SULT1C2: variants seen among roughly 807,000 people sequenced by gnomAD.
The protein encoded by SULT1C2 is sulfotransferase 1C2.
In SULT1C2, 27 loss-of-function variants were observed where a neutral mutation model predicts 36.0. The observed-to-expected ratio is 0.75, with a 90% CI of 0.55 to 1.03. SULT1C2 has a LOEUF of 1.03. Among genes scored for constraint, SULT1C2 ranks in the 50% least tolerant of loss-of-function variants. The pLI is 0.00. For missense variants in SULT1C2, 395 were observed against 359.2 expected (o/e 1.10, Z -0.80); for synonymous variants, 121 against 116.0 (o/e 1.04, Z -0.27).
rs892598601 is a variant in SULT1C2, at chr2:108,300,701, T to C, written c.278-137T>C. On this transcript the variant is annotated intron_variant, in intron 3 of 7. Transcript: ENST00000251481. ...ATGAAAATTATATTAATAATCCCAT[T>C]GTAAAATCCCAAAAGAAAGTCAAGA... 12 of 1,380,538 alleles carry C rather than the reference T, an allele frequency of 8.7e-6. No homozygotes were observed. In the Admixed American group the frequency reaches 1.5e-4, roughly 17 times the overall value. The allele number at this position is 1,380,538 out of a possible 1,614,324, so 85.5% of individuals were successfully genotyped here.
chr2:108,305,023 C>T (rs574554815), intron 5 of SULT1C2, 149 bp from the exon 6 acceptor site: 43 of 919,898 alleles, frequency 4.7e-5, no homozygotes, highest in Non-Finnish European at 6.7e-5. Context: ...CTACACCACC[C>T]TCAAAATCAA....
chr2:108,294,364 C>A lies in SULT1C2; in HGVS notation c.277+10C>A, dbSNP rs763243759. ...CCACCCCAACCTTCTGGTGAGAGCA[C>A]CTCCCTCTTTCTCTCTTCCTGCTTT... On this transcript the variant is annotated intron_variant, in intron 3 of 7. Transcript: ENST00000251481. 3 of 1,578,084 alleles carry A rather than the reference C, an allele frequency of 1.9e-6. No individual in the cohort carries two copies. The African/African-American group carries it at 4.3e-5, about 22-fold the overall frequency.
At chr2:108,305,699 A>C in intron 7 of SULT1C2, 104 bp downstream of exon 7, 2 of 1,365,386 alleles carry the variant, frequency 1.5e-6, no homozygotes, top group East Asian at 2.3e-5. Flanking sequence ...AATGCATTTC[A>C]ACTATTCCTA....
In SULT1C2 at chr2:108,297,647, C is replaced by T. The variant is rs150323297; in HGVS notation, c.278-3191C>T. On this transcript the variant is annotated intron_variant, in intron 3 of 7. Coordinates refer to ENST00000251481, the MANE Select transcript of SULT1C2 (RefSeq NM_001056.4). ...TGAGCAACCATCGTGGTATTCCTGG[C>T]GGGTGAGGCAACCCCATGGGGCTTT... Among the ~76,000 whole-genome samples the T allele has an allele frequency of 4.0e-3, 601 of 151,846 alleles. 3 individuals carry two copies. The highest frequency in any genetic ancestry group is 0.02 in the Middle Eastern group (6 of 294).
intron 1 of SULT1C2, among the ~76,000 whole-genome samples, chr2:108,290,106 G>A (rs1676553501): frequency 6.6e-6 from 1 of 152,170 alleles, no homozygotes; most frequent in South Asian, 2.1e-4. Flanking sequence ...CAAGGCCAGA[G>A]CCCTAAGCTC....
chr2:108,294,501 CATATGT>C lies in SULT1C2; in HGVS notation c.277+148_277+153del, dbSNP rs1676676084. 1.2e-3 allele frequency: 999 copies of C among 836,094 alleles called. 1 individual carries two copies. The highest frequency in any genetic ancestry group is 1.6e-3 in the Non-Finnish European group (883 of 560,886). 51.8% of individuals were successfully genotyped at this position (836,094 alleles called of 1,614,324 possible). On this transcript the variant is annotated intron_variant, in intron 3 of 7. Transcript: ENST00000251481. ...TCTCTTTCTCTCTCATTTTCACTGT[CATATGT>C]TTCTTCCTTTTATCTTCCTCTCATC...
chr2:108,297,893 A>C (rs530346406), intron 3 of SULT1C2, among the ~76,000 whole-genome samples: 2 of 152,206 alleles, frequency 1.3e-5, no homozygotes, highest in East Asian at 3.9e-4. Context: ...GGGCCTTCTT[A>C]TTTGTCATGG....
chr2:108,292,699 T>C (rs962523097), intron 1 of SULT1C2, among the ~76,000 whole-genome samples: 1 of 152,228 alleles, frequency 6.6e-6, no homozygotes, highest in African/African-American at 2.4e-5. Flanking sequence ...GTGCAGCTGC[T>C]GTGGAAGATG....
At chr2:108,306,075 C>A (rs1273358701) in intron 7 of SULT1C2, among the ~76,000 whole-genome samples, 1 of 152,212 alleles carries the variant, frequency 6.6e-6, no homozygotes, top group Non-Finnish European at 1.5e-5. Context: ...CCCATTACAA[C>A]TTTCTCCCAC....
chr2:108,290,222 C>T (rs1366390149), intron 1 of SULT1C2, among the ~76,000 whole-genome samples: 1 of 152,160 alleles, frequency 6.6e-6, no homozygotes, highest in African/African-American at 2.4e-5. Flanking sequence ...TATGGAGGAC[C>T]TTCTCACTGT....
chr2:108,293,270 C>T (rs917936542), intron 1 of SULT1C2, among the ~76,000 whole-genome samples: 1 of 151,548 alleles, frequency 6.6e-6, no homozygotes, highest in African/African-American at 2.4e-5. Context: ...ACGGATGAGC[C>T]TTGAAGAGAT....
rs933785706 is a variant in SULT1C2 at position 108,308,464 on chromosome 2, A to C, written c.891A>C (p.Ter297CysextTer5). 3.3e-5 allele frequency: 52 copies of C among 1,599,252 alleles called. No homozygotes were observed. Among genetic ancestry groups the C allele is most frequent in the Non-Finnish European group, 4.3e-5 (51 of 1,175,842 alleles). The change falls in exon 8 of 8, where the codon TGA becomes TGC. Residue 297 changes from the stop codon to cysteine, a stop_lost. Transcript: ENST00000251481. The stretch of plus-strand genomic sequence containing the variant: ...CCATAAACTTCTGCATGGAACTCTG[A>C]GCAAGATGTAAATAAAATTAAAAGG... ...GTSINFCMEL[*>C] is the part of the protein sequence containing the mutation.
At chr2:108,298,327 T>C (rs557070379) in intron 3 of SULT1C2, among the ~76,000 whole-genome samples, 1 of 152,352 alleles carries the variant, frequency 6.6e-6, no homozygotes, top group South Asian at 2.1e-4. Context: ...CCAGTCTTTT[T>C]AGTAGTCTCT....
At chr2:108,303,369 G>C (rs1676939049) in intron 4 of SULT1C2, 2 of 152,594 alleles carry the variant, frequency 1.3e-5, no homozygotes, top group African/African-American at 4.8e-5. Context: ...GTGAGTAGAA[G>C]ACATGGGCAA....
At chr2:108,308,234 G>A in intron 7 of SULT1C2, 118 bp from the exon 8 acceptor site, 1 of 828,774 alleles carries the variant, frequency 1.2e-6, no homozygotes, top group East Asian at 2.5e-5. Flanking sequence ...TGAAGGGGGA[G>A]TTGGGTGAGT....
In SULT1C2 at chr2:108,294,305, C is replaced by T. The variant is rs750249631; in HGVS notation, c.228C>T (p.Ile76=). The change falls in exon 3 of 8, where the codon ATC becomes ATT. Residue 76 remains isoleucine (I), a synonymous_variant. Coordinates refer to ENST00000251481, the MANE Select transcript of SULT1C2 (RefSeq NM_001056.4). ...TGGAGAAGTGCCAGCGAGCCATCATCCAACACCGCCATCCTTTCATTGAGT... is the reference window on the plus strand; with the variant it reads ...TGGAGAAGTGCCAGCGAGCCATCATTCAACACCGCCATCCTTTCATTGAGT... ...GDVEKCQRAI[I]QHRHPFIEWA... is the part of the protein sequence containing the mutation. The T allele has an allele frequency of 6.2e-7, 1 of 1,614,090 alleles. No homozygotes were observed. The highest frequency in any genetic ancestry group is 1.1e-5 in the South Asian group (1 of 91,068).
intron 7 of SULT1C2, 44 bp downstream of exon 7, chr2:108,305,639 A>G (rs1683164616): frequency 6.2e-7 from 1 of 1,608,208 alleles, no homozygotes; most frequent in African/African-American, 1.3e-5. Context: ...GTCTCGTAAC[A>G]TCCTGTCTGC....
At chr2:108,294,382 C>T in intron 3 of SULT1C2, 28 bp downstream of exon 3, 1 of 1,599,384 alleles carries the variant, frequency 6.3e-7, no homozygotes, top group Non-Finnish European at 8.5e-7. Flanking sequence ...TTTCTCTCTT[C>T]CTGCTTTCTT....
chr2:108,300,221 A>G (rs1676837091), intron 3 of SULT1C2: 1 of 152,266 alleles, frequency 6.6e-6, no homozygotes, highest in Non-Finnish European at 1.5e-5. Flanking sequence ...TACTAAAAAT[A>G]GAAAAATTAG....
Sources: gnomAD v4.1 joint callset for allele counts (sites outside exome capture counted in the v4.1 genomes callset) on GRCh38, gnomAD v4.1.1 for gene constraint, MANE v1.5 for transcripts, NCBI Gene and HGNC (gene_info 2026-07-23, HGNC 2026-07-21) for gene names.